Variants in PROCA1 observed in about 807,000 individuals in gnomAD.
The protein encoded by PROCA1 is protein interacting with cyclin A1.
Under a neutral mutation model 23.2 loss-of-function variants are expected in PROCA1, and 22 were observed. The ratio of observed to expected loss-of-function variants is 0.95; its 90% CI spans 0.68 to 1.35. PROCA1 has a LOEUF of 1.35. PROCA1 is among the 40% of genes most tolerant of loss of function. PROCA1 has a pLI of 0.00. For missense variants in PROCA1, 469 were observed against 459.8 expected (o/e 1.02, Z -0.18); for synonymous variants, 182 against 179.2 (o/e 1.02, Z -0.12).
intron 1 of PROCA1, among the ~76,000 whole-genome samples, chr17:28,710,394 C>G (rs1385889374): frequency 6.6e-6 from 1 of 151,386 alleles, no homozygotes; most frequent in East Asian, 1.9e-4. Context: ...GTAATCCCAG[C>G]TACTCAGGAG....
chr17:28,705,004 A>G, intron 2 of PROCA1, 161 bp from the exon 3 acceptor site: 1 of 640,200 alleles, frequency 1.6e-6, no homozygotes, highest in Non-Finnish European at 2.7e-6. Context: ...GAGTAACCCC[A>G]TGTCCCAGCA....
At position 28,703,513 on chromosome 17, in the gene PROCA1, C is replaced by G. The variant is rs1167150096; in HGVS notation, c.*45G>C. ...GGAGAGAACAGCAGCAGAGGGCCAG[C>G]CACAGGCTCGATGGCATTTATTCTG... On this transcript the variant is annotated 3_prime_UTR_variant, in exon 5 of 5. Coordinates refer to ENST00000682792, the MANE Select transcript of PROCA1 (RefSeq NM_001366301.1). 1.9e-6 allele frequency: 3 copies of G among 1,568,820 alleles called. No homozygotes were observed. Among genetic ancestry groups the G allele is most frequent in the Non-Finnish European group, 2.6e-6 (3 of 1,155,490 alleles).
Position 28,711,706 on chromosome 17 carries a change from T to G in PROCA1, c.-46A>C. On this transcript the variant is annotated 5_prime_UTR_variant, in exon 1 of 5. Coordinates refer to ENST00000682792, the MANE Select transcript of PROCA1 (RefSeq NM_001366301.1). The stretch of plus-strand genomic sequence containing the variant: ...GTCTCTACAGGACTCTTGCGTGAAG[T>G]CCAACCCTGAGCCTCAGCCCGGCCG... 6.4e-7 allele frequency: 1 copy of G among 1,563,542 alleles called. No homozygotes were observed. The highest frequency in any genetic ancestry group is 8.7e-7 in the Non-Finnish European group (1 of 1,146,078).
At chr17:28,704,631 C>A in intron 3 of PROCA1, 77 bp downstream of exon 3, 1 of 1,589,922 alleles carries the variant, frequency 6.3e-7, no homozygotes, top group Non-Finnish European at 8.6e-7. Context: ...AGAGGCAAAC[C>A]AAAGGTTGAA....
rs950699479 is a variant in PROCA1 at position 28,711,858 on chromosome 17, T to C, written c.-198A>G. The C allele has an allele frequency of 1.9e-6, 1 of 513,866 alleles. No homozygotes were observed. The highest frequency in any genetic ancestry group is 2.0e-5 in the African/African-American group (1 of 49,418). The allele number at this position is 513,866 out of a possible 1,614,324, so 31.8% of individuals were successfully genotyped here. ...CTCCAGGCTGCGTAGTCTTCCCAGC[T>C]GGGTCTCAGCGTCAGCCGCGTTCTT... On this transcript the variant is annotated 5_prime_UTR_variant, in exon 1 of 5. Coordinates refer to ENST00000682792, the MANE Select transcript of PROCA1 (RefSeq NM_001366301.1).
At chr17:28,707,124 C>G (rs150661208) in intron 1 of PROCA1, 1 of 260,752 alleles carries the variant, frequency 3.8e-6, no homozygotes, top group Non-Finnish European at 7.9e-6. Flanking sequence ...TGAATAGGAG[C>G]CAGCCAGGGT....
Position 28,703,339 on chromosome 17 carries a change from T to C in PROCA1, c.*219A>G. The C allele has an allele frequency of 1.7e-6, 1 of 580,800 alleles. No individual in the cohort carries two copies. Among genetic ancestry groups the C allele is most frequent in the Non-Finnish European group, 3.0e-6 (1 of 329,338 alleles). 36.0% of individuals were successfully genotyped at this position (580,800 alleles called of 1,614,324 possible). ...CCAGATACACTCTTCCACCTTGTCC[T>C]AGCAGGTAGGAAGAAATAGGGCTGT... On this transcript the variant is annotated 3_prime_UTR_variant, in exon 5 of 5. Coordinates refer to ENST00000682792, the MANE Select transcript of PROCA1 (RefSeq NM_001366301.1).
chr17:28,704,529 C>T (rs2032346542), intron 3 of PROCA1, 94 bp from the exon 4 acceptor site: 2 of 1,550,518 alleles, frequency 1.3e-6, no homozygotes, highest in African/African-American at 1.4e-5. Flanking sequence ...GCTGGGCCTG[C>T]CTCAGGCCAA....
At position 28,703,844 on chromosome 17, in the gene PROCA1, G is replaced by A. The variant is rs747596303; in HGVS notation, c.809C>T (p.Pro270Leu). The change falls in exon 5 of 5, where the codon CCG (proline) becomes CTG (leucine). Residue 270 changes from proline to leucine, a missense_variant. Pro to Leu is a moderately conservative substitution (Grantham distance 98). Coordinates refer to ENST00000682792, the MANE Select transcript of PROCA1 (RefSeq NM_001366301.1). Reference protein sequence around the residue: ...KKGQLTKKKSPVKLEPSPPDV... With the variant: ...KKGQLTKKKSLVKLEPSPPDV... Reference sequence around the variant, plus strand: ...TGGCGGGGAAGGCTCCAATTTAACCGGGCTTTTCTTCTTAGTCAACTGGCC... The same window carrying A: ...TGGCGGGGAAGGCTCCAATTTAACCAGGCTTTTCTTCTTAGTCAACTGGCC... The A allele has an allele frequency of 3.5e-5, 56 of 1,614,062 alleles. No individual in the cohort carries two copies. The highest frequency in any genetic ancestry group is 9.3e-5 in the African/African-American group (7 of 75,002).
chr17:28,704,428 C>T lies in PROCA1; in HGVS notation c.319G>A (p.Asp107Asn). Residue 107 changes from aspartate (D) to asparagine (N), a missense_variant, in exon 4 of 5, where the codon GAC becomes AAC. Physicochemically the swap from Asp to Asn is conservative, Grantham distance 23. Coordinates refer to ENST00000682792, the MANE Select transcript of PROCA1 (RefSeq NM_001366301.1). ...NHCNCNSRLK[D>N]SSEDSSSSRG... is the part of the protein sequence containing the mutation. Reference sequence around the variant, plus strand: ...GAGCTGCTGCTATCCTCTGAAGAGTCCTTCAGCCTGCCACACATGGGACTC... The same window carrying T: ...GAGCTGCTGCTATCCTCTGAAGAGTTCTTCAGCCTGCCACACATGGGACTC... The T allele has an allele frequency of 6.2e-7, 1 of 1,611,978 alleles. No individual in the cohort carries two copies. The highest frequency in any genetic ancestry group is 8.5e-7 in the Non-Finnish European group (1 of 1,179,276).
chr17:28,703,597 C>A lies in PROCA1; in HGVS notation c.1056G>T (p.Lys352Asn). The change falls in exon 5 of 5, where the codon AAG (lysine) becomes AAT (asparagine). Residue 352 changes from lysine (K) to asparagine (N), a missense_variant. Transcript: ENST00000682792. ...AKPSQARKVNKRKSPPGSNPN... is the reference protein window; with the variant it reads ...AKPSQARKVNNRKSPPGSNPN... ...GGTTTGATCCTGGGGGAGATTTTCT[C>A]TTGTTTACCTTCCTGGCTTGTGAGG... is the stretch of plus-strand genomic sequence containing the variant. 1.2e-6 allele frequency: 2 copies of A among 1,614,178 alleles called. No individual in the cohort carries two copies. Among genetic ancestry groups the A allele is most frequent in the Middle Eastern group, 1.6e-4 (1 of 6,062 alleles).
chr17:28,708,732 A>AAAAAAAAACAAAC (rs2032641058), intron 1 of PROCA1, among the ~76,000 whole-genome samples: 1 of 113,834 alleles, frequency 8.8e-6, no homozygotes, highest in Non-Finnish European at 2.0e-5. Context: ...CAGAAAAAGG[A>AAAAAAAAACAAAC]AAAAAAAAAA....
At position 28,704,693 on chromosome 17, in the gene PROCA1, G is replaced by C. The variant is rs1176074628; in HGVS notation, c.311+15C>G. ...CTGGCTCTGCCATGGGTCCCCCAAG[G>C]GGGCGGGCCCTCACCTAGAATTACA... is the stretch of plus-strand genomic sequence containing the variant. On this transcript the variant is annotated intron_variant, in intron 3 of 4. Transcript: ENST00000682792. 1.2e-6 allele frequency: 2 copies of C among 1,613,672 alleles called. No homozygotes were observed.
At chr17:28,709,131 C>G (rs945069023) in intron 1 of PROCA1, among the ~76,000 whole-genome samples, 3 of 152,234 alleles carry the variant, frequency 2.0e-5, no homozygotes, top group African/African-American at 7.2e-5. Context: ...GATTCAAACC[C>G]AGGTCTTCCT....
intron 4 of PROCA1, 27 bp downstream of exon 4, chr17:28,704,280 C>A: frequency 6.3e-7 from 1 of 1,597,444 alleles, no homozygotes; most frequent in South Asian, 1.1e-5. Context: ...AGGCCCCTTC[C>A]CCATCAGCCC....
intron 2 of PROCA1, 35 bp downstream of exon 2, chr17:28,706,645 G>A: frequency 7.8e-7 from 1 of 1,279,112 alleles, no homozygotes; most frequent in Non-Finnish European, 1.0e-6. Flanking sequence ...GAGGGGTGAT[G>A]AGGATCCCCT....
chr17:28,704,010 T>C lies in PROCA1; in HGVS notation c.643A>G (p.Ile215Val). The C allele has an allele frequency of 6.2e-7, 1 of 1,611,430 alleles. No individual in the cohort carries two copies. The highest frequency in any genetic ancestry group is 1.3e-5 in the African/African-American group (1 of 74,950). The change falls in exon 5 of 5, where the codon ATC (isoleucine) becomes GTC (valine). Residue 215 changes from isoleucine (I) to valine (V), a missense_variant. Transcript: ENST00000682792. ...ATGTPDSTAPITIWRSESPTG... is the reference protein window; with the variant it reads ...ATGTPDSTAPVTIWRSESPTG... ...GGGCTCTCAGAGCGCCAGATGGTGA[T>C]GGGCGCTGTGGAGTCAGGGGTACCA... is the stretch of plus-strand genomic sequence containing the variant.
intron 1 of PROCA1, among the ~76,000 whole-genome samples, chr17:28,709,991 C>G (rs962334200): frequency 1.3e-5 from 2 of 152,040 alleles, no homozygotes; most frequent in East Asian, 3.9e-4. Flanking sequence ...AGTGAGACGG[C>G]GGGAAGGACA....
intron 2 of PROCA1, 121 bp from the exon 3 acceptor site, chr17:28,704,964 T>G: frequency 4.3e-6 from 4 of 940,690 alleles, no homozygotes; most frequent in African/African-American, 1.6e-5. Context: ...CAAGAAGTGT[T>G]TCTGCTTCAG....
Sources: allele counts gnomAD v4.1 joint callset (sites outside exome capture counted in the v4.1 genomes callset), GRCh38; gene constraint gnomAD v4.1.1; transcripts MANE v1.5; gene names NCBI Gene and HGNC (gene_info 2026-07-23, HGNC 2026-07-21).